PCDHGA3: variants seen among roughly 807,000 people sequenced by gnomAD.
PCDHGA3 encodes the protein protocadherin gamma-A3.
PCDHGA3 carries 40 observed loss-of-function variants against 58.5 expected under a neutral mutation model. That is an observed-to-expected ratio of 0.68 (90% CI 0.53 to 0.89). The LOEUF is 0.89. Among genes scored for constraint, PCDHGA3 ranks in the 40% least tolerant of loss-of-function variants. The pLI is 0.00. For synonymous variants in PCDHGA3, 530 were observed against 525.7 expected (o/e 1.01, Z -0.11); for missense variants, 1,223 against 1,195.9 (o/e 1.02, Z -0.33).
At chr5:141,397,923 C>T in intron 1 of PCDHGA3, 1 of 738,672 alleles carries the variant, frequency 1.4e-6, no homozygotes, top group East Asian at 2.8e-5. Flanking sequence ...GATCTCCTCG[C>T]GCAGCCGCAG....
chr5:141,421,050 T>TACCACACAA, intron 1 of PCDHGA3: 1 of 561,278 alleles, frequency 1.8e-6, no homozygotes, highest in Non-Finnish European at 3.1e-6. Flanking sequence ...CCCCCGCCTC[T>TACCACACAA]ACCACACAAA....
Position 141,432,581 on chromosome 5 carries a change from C to T in PCDHGA3, c.2425-62226C>T. 6.2e-7 allele frequency: 1 copy of T among 1,613,930 alleles called. No homozygotes were observed. The highest frequency in any genetic ancestry group is 8.5e-7 in the Non-Finnish European group (1 of 1,179,974). On this transcript the variant is annotated intron_variant, in intron 1 of 3. Coordinates refer to ENST00000253812, the MANE Select transcript of PCDHGA3 (RefSeq NM_018916.4). The surrounding 1 kb of genome is among the most constrained non-coding windows in gnomAD (Gnocchi z 6.0). ...CCAGAACGCCTGGCTGTCCTACCGT[C>T]TGCTCAAGGCCAGCGAGCCGGGACT...
At position 141,487,681 on chromosome 5, in the gene PCDHGA3, T is replaced by C. The variant is rs754032560; in HGVS notation, c.2425-7126T>C. The stretch of plus-strand genomic sequence containing the variant: ...CTGATCCAGGCATATGGCTAGGCCA[T>C]GTCCTAGAGAGTACTGGCCTCTCAG... On this transcript the variant is annotated intron_variant, in intron 1 of 3. Coordinates refer to ENST00000253812, the MANE Select transcript of PCDHGA3 (RefSeq NM_018916.4). The surrounding 1 kb of genome is among the most constrained non-coding windows in gnomAD (Gnocchi z 5.0). 1.1e-5 allele frequency: 18 copies of C among 1,608,852 alleles called. No individual in the cohort carries two copies. The highest frequency in any genetic ancestry group is 4.5e-5 in the East Asian group (2 of 44,816).
chr5:141,353,077 A>G (rs912122149), intron 1 of PCDHGA3, among the ~76,000 whole-genome samples: 11 of 152,152 alleles, frequency 7.2e-5, no homozygotes, highest in Non-Finnish European at 1.3e-4. Context: ...TAGTGATGGT[A>G]TCTACTGCGG....
intron 1 of PCDHGA3, chr5:141,422,068 T>C (rs1340696188): frequency 2.5e-6 from 4 of 1,612,076 alleles, no homozygotes; most frequent in Non-Finnish European, 3.4e-6. Flanking sequence ...AGTAATGTAT[T>C]CATTTCGGAA....
chr5:141,408,337 G>T (rs1191967573), intron 1 of PCDHGA3: 3 of 1,613,954 alleles, frequency 1.9e-6, no homozygotes, highest in Non-Finnish European at 2.5e-6. Context: ...CCAAGGGCTC[G>T]GTGGTGGGGA....
chr5:141,397,910 C>T lies in PCDHGA3; in HGVS notation c.2424+51453C>T. 5 of 680,806 alleles carry T rather than the reference C, an allele frequency of 7.3e-6. No individual in the cohort carries two copies. The South Asian group carries it at 8.1e-5, about 11-fold the overall frequency. 42.2% of individuals were successfully genotyped at this position (680,806 alleles called of 1,614,324 possible). On this transcript the variant is annotated intron_variant, in intron 1 of 3. Transcript: ENST00000253812. ...TGGCCAAAGTGCAGAGCTTGGCGCT[C>T]CAGATCTCCTCGCGCAGCCGCAGCG...
In PCDHGA3 at chr5:141,512,243, C is replaced by T. The variant is rs1205585993; in HGVS notation, c.*1070C>T. ...AGGTCCCCTTGAGAGGTCAGAGGGG[C>T]CTCTGTGGGTGCTGGGTACTCCAGA... On this transcript the variant is annotated 3_prime_UTR_variant, in exon 4 of 4. Transcript: ENST00000253812. 2 of 152,728 alleles carry T rather than the reference C, an allele frequency of 1.3e-5. No homozygotes were observed. The highest frequency in any genetic ancestry group is 1.5e-5 in the Non-Finnish European group (1 of 68,138). 9.5% of individuals were successfully genotyped at this position (152,728 alleles called of 1,614,324 possible).
intron 1 of PCDHGA3, chr5:141,385,445 T>A (rs2150293072): frequency 1.4e-6 from 2 of 1,450,040 alleles, no homozygotes; most frequent in Non-Finnish European, 1.8e-6. Context: ...TAAAAATGAG[T>A]TTACCAGTTT....
In PCDHGA3 at chr5:141,491,250, C is replaced by T. The variant is rs1328621598; in HGVS notation, c.2425-3557C>T. The T allele has an allele frequency of 6.2e-7, 1 of 1,614,148 alleles. No individual in the cohort carries two copies. Among genetic ancestry groups the T allele is most frequent in the South Asian group, 1.1e-5 (1 of 91,092 alleles). ...TGCTGCTGGTTCTGGAGGATGAGGA[C>T]CCTGAGGAAATGCCCAAATCCAGTG... On this transcript the variant is annotated intron_variant, in intron 1 of 3. Transcript: ENST00000253812. The surrounding 1 kb of genome is among the most constrained non-coding windows in gnomAD (Gnocchi z 6.9).
chr5:141,432,215 C>T lies in PCDHGA3; in HGVS notation c.2425-62592C>T. The T allele has an allele frequency of 1.9e-6, 3 of 1,614,228 alleles. No individual in the cohort carries two copies. The highest frequency in any genetic ancestry group is 2.5e-6 in the Non-Finnish European group (3 of 1,180,036). The stretch of plus-strand genomic sequence containing the variant: ...CGACCCCGACTGTGAAGAGAACGCC[C>T]AGATCACTTATTCCCTGGCTGAGAA... On this transcript the variant is annotated intron_variant, in intron 1 of 3. Transcript: ENST00000253812. This position sits in a 1 kb window ranked among gnomAD's most constrained non-coding sequence, Gnocchi z 6.0.
Position 141,386,707 on chromosome 5 carries a change from T to C in PCDHGA3, c.2424+40250T>C, listed in dbSNP as rs577728957. Among the ~76,000 whole-genome samples, 44 of 152,320 alleles carry C rather than the reference T, an allele frequency of 2.9e-4. No homozygotes were observed. The South Asian group carries it at 9.1e-3, about 32-fold the overall frequency. On this transcript the variant is annotated intron_variant, in intron 1 of 3. Transcript: ENST00000253812. ...AATCACTTGGGGTAGAAGACAATGT[T>C]GCTGACACCAACAATGTTACTGAGG... is the stretch of plus-strand genomic sequence containing the variant.
At chr5:141,394,060 C>A (rs1437765710) in intron 1 of PCDHGA3, 9 of 1,613,662 alleles carry the variant, frequency 5.6e-6, no homozygotes, top group African/African-American at 4.0e-5. Context: ...GAAAATGTCT[C>A]TATCTACAAT....
At chr5:141,347,786 CAAA>C (rs1186221035) in intron 1 of PCDHGA3, among the ~76,000 whole-genome samples, 1 of 106,276 alleles carries the variant, frequency 9.4e-6, no homozygotes. Flanking sequence ...GACTCCATCT[CAAA>C]AAAAAAAAAA....
intron 1 of PCDHGA3, chr5:141,422,160 A>C: frequency 6.4e-7 from 1 of 1,573,304 alleles, no homozygotes; most frequent in South Asian, 1.2e-5. Context: ...TGGATTTTGA[A>C]AAATATAGAT....
intron 1 of PCDHGA3, chr5:141,426,648 A>G (rs1224402025): frequency 2.4e-6 from 1 of 418,088 alleles, no homozygotes; most frequent in Non-Finnish European, 4.9e-6. Flanking sequence ...AAATGTGATG[A>G]TAGAAGATAT....
chr5:141,358,763 C>G (rs984057790), intron 1 of PCDHGA3, among the ~76,000 whole-genome samples: 3 of 152,156 alleles, frequency 2.0e-5, no homozygotes, highest in African/African-American at 7.2e-5. Flanking sequence ...ATCATGTGAG[C>G]CTCTTTCAAA....
intron 1 of PCDHGA3, among the ~76,000 whole-genome samples, chr5:141,456,572 C>T (rs958661783): frequency 6.6e-6 from 1 of 152,168 alleles, no homozygotes; most frequent in Non-Finnish European, 1.5e-5. Flanking sequence ...CCACATTTTC[C>T]CTGAGCCTGT....
rs564439931 is a variant in PCDHGA3 at position 141,490,480 on chromosome 5, C to T, written c.2425-4327C>T. On this transcript the variant is annotated intron_variant, in intron 1 of 3. Coordinates refer to ENST00000253812, the MANE Select transcript of PCDHGA3 (RefSeq NM_018916.4). The surrounding 1 kb of genome is among the most constrained non-coding windows in gnomAD (Gnocchi z 5.4). ...GCTGCTAACCAGCCAGCCTTTGGAC[C>T]GGGAGGCCACATCCCACTATATCAT... The T allele has an allele frequency of 3.5e-5, 56 of 1,614,194 alleles. No individual in the cohort carries two copies. Among genetic ancestry groups the T allele is most frequent in the Admixed American group, 1.5e-4 (9 of 60,022 alleles).
Sources: allele counts gnomAD v4.1 joint callset (sites outside exome capture counted in the v4.1 genomes callset), GRCh38; gene constraint gnomAD v4.1.1; non-coding constraint Gnocchi (gnomAD v3.1); transcripts MANE v1.5; gene names NCBI Gene and HGNC (gene_info 2026-07-23, HGNC 2026-07-21).